The following SLC25A25 variants were observed in gnomAD, a reference collection of about 807,000 sequenced individuals.
SLC25A25 encodes the protein mitochondrial adenyl nucleotide antiporter SLC25A25.
SLC25A25 carries 32 observed loss-of-function variants against 57.7 expected under a neutral mutation model. That is an observed-to-expected ratio of 0.55 (90% confidence interval 0.42 to 0.74). SLC25A25 has a LOEUF of 0.74. Ranked by LOEUF, SLC25A25 falls within the 30% of genes least tolerant of loss-of-function variation. SLC25A25 has a pLI of 0.00. For missense variants in SLC25A25, 556 were observed against 701.3 expected (o/e 0.79, Z 2.34); for synonymous variants, 306 against 291.2 (o/e 1.05, Z -0.52).
chr9:128,092,051 A>G (rs781525661), intron 1 of SLC25A25: 1 of 1,613,832 alleles, frequency 6.2e-7, no homozygotes, highest in Non-Finnish European at 8.5e-7. Context: ...AAGACCCACC[A>G]TTTTGCTGGT....
chr9:128,071,860 C>T lies in SLC25A25; in HGVS notation c.261+3280C>T, dbSNP rs189043183. On this transcript the variant is annotated intron_variant, in intron 1 of 10. Coordinates refer to ENST00000373069, the MANE Select transcript of SLC25A25 (RefSeq NM_001330988.2). Reference sequence around the variant, plus strand: ...CTGAGTAGCTGGGATTACAGGCGCCCGCCACCATGGCCCGGCTAATTTTTG... The same window carrying T: ...CTGAGTAGCTGGGATTACAGGCGCCTGCCACCATGGCCCGGCTAATTTTTG... Among the ~76,000 whole-genome samples the T allele has an allele frequency of 1.3e-4, 19 of 151,710 alleles. No individual in the cohort carries two copies. The East Asian group carries it at 2.9e-3, about 23-fold the overall frequency.
rs769689731 is a variant in SLC25A25, at chr9:128,108,352, G to A, written c.*908G>A. ...AGGGTTTTGTCCAGAAGGACAAGCC[G>A]GACAAATGAGCGACTTCTGTGCTTC... On this transcript the variant is annotated 3_prime_UTR_variant, in exon 11 of 11. Coordinates refer to ENST00000373069, the MANE Select transcript of SLC25A25 (RefSeq NM_001330988.2). 5 of 398,010 alleles carry A rather than the reference G, an allele frequency of 1.3e-5. No homozygotes were observed. Among genetic ancestry groups the A allele is most frequent in the African/African-American group, 4.1e-5 (2 of 48,622 alleles). 24.7% of individuals were successfully genotyped at this position (398,010 alleles called of 1,614,324 possible). A position where few individuals can be genotyped will look rare whatever the true frequency, so the allele number is the denominator to read the frequency against.
chr9:128,107,476 T>C lies in SLC25A25; in HGVS notation c.*32T>C. ...GAGGGCCGCCCGGCAGTGGACTCGC[T>C]GATCCTGGGCCGCAGCCTGGGGTGT... On this transcript the variant is annotated 3_prime_UTR_variant, in exon 11 of 11. Coordinates refer to ENST00000373069, the MANE Select transcript of SLC25A25 (RefSeq NM_001330988.2). The C allele has an allele frequency of 6.6e-7, 1 of 1,504,456 alleles. No homozygotes were observed. The highest frequency in any genetic ancestry group is 8.9e-7 in the Non-Finnish European group (1 of 1,126,520). The allele number at this position is 1,504,456 out of a possible 1,614,324, so 93.2% of individuals were successfully genotyped here.
intron 1 of SLC25A25, among the ~76,000 whole-genome samples, chr9:128,096,277 G>C (rs1318587335): frequency 6.6e-6 from 1 of 152,210 alleles, no homozygotes; most frequent in Non-Finnish European, 1.5e-5. Context: ...GGGAGGCCAA[G>C]GCAGGCAGAT....
rs369927572 is a variant in SLC25A25 at position 128,084,615 on chromosome 9, A to G, written c.261+16035A>G. ...GGCTGAACCAATGTGTACACCTTACATGTATTGACTGATGTCTTCTTGTAA... is the reference window on the plus strand; with the variant it reads ...GGCTGAACCAATGTGTACACCTTACGTGTATTGACTGATGTCTTCTTGTAA... On this transcript the variant is annotated intron_variant, in intron 1 of 10. Transcript: ENST00000373069. Among the ~76,000 whole-genome samples, 8 of 152,180 alleles carry G rather than the reference A, an allele frequency of 5.3e-5. 1 individual carries two copies. Among genetic ancestry groups the G allele is most frequent in the African/African-American group, 1.9e-4 (8 of 41,518 alleles).
intron 1 of SLC25A25, among the ~76,000 whole-genome samples, chr9:128,070,673 C>T (rs1000564476): frequency 3.3e-5 from 5 of 151,582 alleles, no homozygotes; most frequent in Non-Finnish European, 2.9e-5. Flanking sequence ...AATGGCTGGC[C>T]GGGCACAGTG....
At chr9:128,069,191 C>A (rs1832847154) in intron 1 of SLC25A25, among the ~76,000 whole-genome samples, 1 of 152,092 alleles carries the variant, frequency 6.6e-6, no homozygotes, top group Admixed American at 6.6e-5. Flanking sequence ...TGAAAGAATC[C>A]GGGGGAAATT....
rs549625321 is a variant in SLC25A25 at position 128,106,052 on chromosome 9, G to A, written c.937-98G>A. The A allele has an allele frequency of 3.1e-4, 478 of 1,553,552 alleles. 8 individuals carry two copies. In the South Asian group the frequency reaches 4.8e-3, roughly 16 times the overall value. ...CACCACGAGTTCCTTACATTTCTGGGTAGCATAAAATGTGCCGGGGACTCC... is the reference window on the plus strand; with the variant it reads ...CACCACGAGTTCCTTACATTTCTGGATAGCATAAAATGTGCCGGGGACTCC... On this transcript the variant is annotated intron_variant, in intron 7 of 10. Transcript: ENST00000373069.
In SLC25A25 at chr9:128,095,167, G is replaced by C. The variant is rs547837808; in HGVS notation, c.262-5929G>C. ...GTTGTATTTAGCTAGGGCTCAACTT[G>C]CTCAAGTTACACCTTTCCCACACAC... On this transcript the variant is annotated intron_variant, in intron 1 of 10. Coordinates refer to ENST00000373069, the MANE Select transcript of SLC25A25 (RefSeq NM_001330988.2). The surrounding 1 kb of genome is among the most constrained non-coding windows in gnomAD (Gnocchi z 4.4). Among the ~76,000 whole-genome samples, 1 of 152,304 alleles carries C rather than the reference G, an allele frequency of 6.6e-6. No individual in the cohort carries two copies. Among genetic ancestry groups the C allele is most frequent in the South Asian group, 2.1e-4 (1 of 4,832 alleles).
chr9:128,106,118 A>G (rs200565635), intron 7 of SLC25A25, 32 bp from the exon 8 acceptor site: 16 of 1,612,378 alleles, frequency 9.9e-6, no homozygotes, highest in South Asian at 7.7e-5. Context: ...ACCTCTGGGT[A>G]TATCAGGTGG....
chr9:128,079,609 A>G (rs1159277589), intron 1 of SLC25A25, among the ~76,000 whole-genome samples: 14 of 143,942 alleles, frequency 9.7e-5, no homozygotes, highest in Admixed American at 9.5e-4. Flanking sequence ...AATACAAAAA[A>G]AAAAAAAAAA....
At chr9:128,076,862 T>C (rs1031198215) in intron 1 of SLC25A25, among the ~76,000 whole-genome samples, 4 of 152,306 alleles carry the variant, frequency 2.6e-5, no homozygotes, top group African/African-American at 9.6e-5. Context: ...TCATGGTCAC[T>C]AGCCAGCCTT....
chr9:128,083,548 C>T (rs1343798057), intron 1 of SLC25A25, among the ~76,000 whole-genome samples: 5 of 130,574 alleles, frequency 3.8e-5, no homozygotes, highest in South Asian at 4.6e-4. Context: ...CTTGCTCTGT[C>T]GCCTAGGCTG....
At chr9:128,100,801 C>T in intron 1 of SLC25A25, 1 of 384,144 alleles carries the variant, frequency 2.6e-6, no homozygotes, top group Non-Finnish European at 4.8e-6. Flanking sequence ...CCAGCTGTCC[C>T]TGTCGGCCTC....
At chr9:128,091,768 A>T in intron 1 of SLC25A25, 1 of 1,493,030 alleles carries the variant, frequency 6.7e-7, no homozygotes, top group Non-Finnish European at 8.9e-7. Context: ...TGAGAACCCC[A>T]GGCCCGTCCT....
intron 1 of SLC25A25, among the ~76,000 whole-genome samples, chr9:128,080,684 C>A: frequency 6.6e-6 from 1 of 152,122 alleles, no homozygotes; most frequent in Non-Finnish European, 1.5e-5. Context: ...CTCGGCCTCC[C>A]AAAGTGCTGG....
Position 128,101,102 on chromosome 9 carries a change from G to A in SLC25A25, c.268G>A (p.Val90Ile). The change falls in exon 2 of 11, where the codon GTA (valine) becomes ATA (isoleucine). Residue 90 changes from valine to isoleucine, a missense_variant. Val to Ile is a conservative substitution (Grantham distance 29). This residue lies in a region of SLC25A25 where 248 missense variants were observed against 273.5 expected (regional missense o/e 0.91). Transcript: ENST00000373069. This position sits in a 1 kb window ranked among gnomAD's most constrained non-coding sequence, Gnocchi z 4.9. ...HRTEGELQKI[V>I]QAGDKDLDGQ... ...TGTTACCTTTCTTTTCTAGAAAATT[G>A]TACAAGCTGGAGATAAGGACCTTGA... The A allele has an allele frequency of 1.9e-6, 3 of 1,614,218 alleles. No individual in the cohort carries two copies. Among genetic ancestry groups the A allele is most frequent in the South Asian group, 2.2e-5 (2 of 91,090 alleles).
chr9:128,106,788 C>T (rs1834058887), intron 9 of SLC25A25, among the ~76,000 whole-genome samples: 1 of 152,128 alleles, frequency 6.6e-6, no homozygotes, highest in African/African-American at 2.4e-5. Flanking sequence ...AGCTCACAGG[C>T]CCCAGCACAC....
Position 128,107,428 on chromosome 9 carries a change from G to C in SLC25A25, c.1532G>C (p.Gly511Ala). The change falls in exon 11 of 11, where the codon GGC becomes GCC. Residue 511 changes from glycine (G) to alanine (A), a missense_variant. Physicochemically the swap from Gly to Ala is moderately conservative, Grantham distance 60. Around this residue, in one of 3 missense-constraint regions of SLC25A25, gnomAD observed 294 missense variants for 389.6 expected, o/e 0.75. Coordinates refer to ENST00000373069, the MANE Select transcript of SLC25A25 (RefSeq NM_001330988.2). ...VVYENLKITL[G>A]VQSR ...TACGAGAACCTGAAGATCACCCTGGGCGTGCAGTCGCGGTGACGGGGGGAG... is the reference window on the plus strand; with the variant it reads ...TACGAGAACCTGAAGATCACCCTGGCCGTGCAGTCGCGGTGACGGGGGGAG... The C allele has an allele frequency of 6.6e-7, 1 of 1,507,466 alleles. No individual in the cohort carries two copies. The highest frequency in any genetic ancestry group is 8.9e-7 in the Non-Finnish European group (1 of 1,127,214). 93.4% of individuals were successfully genotyped at this position (1,507,466 alleles called of 1,614,324 possible). A position where few individuals can be genotyped will look rare whatever the true frequency, so the allele number is the denominator to read the frequency against.
Sources: allele counts gnomAD v4.1 joint callset (sites outside exome capture counted in the v4.1 genomes callset), GRCh38; gene constraint gnomAD v4.1.1; regional missense constraint gnomAD v4.1.1; non-coding constraint Gnocchi (gnomAD v3.1); transcripts MANE v1.5; gene names NCBI Gene and HGNC (gene_info 2026-07-23, HGNC 2026-07-21).